The following EPC2 variants were observed in gnomAD, a reference collection of about 807,000 sequenced individuals.
EPC2 encodes enhancer of polycomb homolog 2.
Under a neutral mutation model 92.1 loss-of-function variants are expected in EPC2, and 14 were observed. That is an observed-to-expected ratio of 0.15 (90% CI 0.10 to 0.24). The LOEUF (loss-of-function observed/expected upper bound fraction) is 0.24. EPC2 is among the 10% of genes least tolerant of loss of function. The probability of loss-of-function intolerance (pLI) is 1.00; values close to 1 mark genes in which losing one functional copy is unlikely to be tolerated. For synonymous variants in EPC2, 340 were observed against 334.7 expected (o/e 1.02, Z -0.17); for missense variants, 755 against 971.5 (o/e 0.78, Z 2.96).
chr2:148,645,515 G>A, intron 1 of EPC2: 1 of 260,146 alleles, frequency 3.8e-6, no homozygotes, highest in South Asian at 5.6e-5. Flanking sequence ...TCTCTCAGGC[G>A]CGGGGCTAAT....
intron 3 of EPC2, among the ~76,000 whole-genome samples, chr2:148,752,219 T>C (rs1433529573): frequency 6.6e-6 from 1 of 152,124 alleles, no homozygotes; most frequent in Non-Finnish European, 1.5e-5. Context: ...GTAGTGAAGG[T>C]AACAAAATTT....
intron 1 of EPC2, chr2:148,645,410 G>A (rs990566025): frequency 8.5e-5 from 38 of 447,988 alleles, no homozygotes; most frequent in Non-Finnish European, 1.5e-4. Context: ...TTACGCTGCC[G>A]TAAGGGGGCC....
chr2:148,706,642 G>A (rs188825296), intron 2 of EPC2, among the ~76,000 whole-genome samples: 5 of 152,258 alleles, frequency 3.3e-5, no homozygotes, highest in East Asian at 1.9e-4. Flanking sequence ...GACTAACAGC[G>A]GATCTCTCGG....
intron 1 of EPC2, among the ~76,000 whole-genome samples, chr2:148,662,058 A>G (rs193079443): frequency 0.026 from 3,941 of 152,330 alleles, 59 homozygotes; most frequent in East Asian, 0.032. Context: ...CAAAAAACAC[A>G]TGAAAAAATG....
Position 148,781,797 on chromosome 2 carries a change from G to A in EPC2, c.1857+17G>A, listed in dbSNP as rs371865172. The A allele has an allele frequency of 3.7e-5, 60 of 1,612,166 alleles. No individual in the cohort carries two copies. Among genetic ancestry groups the A allele is most frequent in the Admixed American group, 5.0e-5 (3 of 59,694 alleles). On this transcript the variant is annotated intron_variant, in intron 11 of 13. Coordinates refer to ENST00000258484, the MANE Select transcript of EPC2 (RefSeq NM_015630.4). ...AAAGCACAGGTAAACTGCTCTTTTC[G>A]TCATAGTTACGTTTGTTTCTTTCAT...
At position 148,774,304 on chromosome 2, in the gene EPC2, C is replaced by T. The variant is rs946363347; in HGVS notation, c.1720+2917C>T. 4.6e-5 allele frequency among the ~76,000 whole-genome samples: 7 copies of T among 152,262 alleles called. No homozygotes were observed. The East Asian group carries it at 7.7e-4, about 17-fold the overall frequency. On this transcript the variant is annotated intron_variant, in intron 10 of 13. Transcript: ENST00000258484. ...TGTTGTTAATATAAACCCTGATTAA[C>T]GTTTTCCATGTCATAACCCATGTGT...
intron 3 of EPC2, among the ~76,000 whole-genome samples, chr2:148,753,030 A>G (rs1462274415): frequency 1.3e-5 from 2 of 152,336 alleles, no homozygotes; most frequent in East Asian, 3.9e-4. Context: ...TCCCAGCCCT[A>G]AAGTGGCATG....
chr2:148,734,424 A>C (rs1682710008), intron 2 of EPC2, among the ~76,000 whole-genome samples: 1 of 152,130 alleles, frequency 6.6e-6, no homozygotes, highest in Non-Finnish European at 1.5e-5. Flanking sequence ...GAGACTTCAA[A>C]TTATTTAAAC....
intron 8 of EPC2, 75 bp downstream of exon 8, chr2:148,769,315 C>G (rs750023718): frequency 1.1e-5 from 11 of 1,042,782 alleles, no homozygotes; most frequent in Non-Finnish European, 1.6e-5. Context: ...ATGACTTAGT[C>G]TTGATCTAAA....
chr2:148,670,873 A>G lies in EPC2; in HGVS notation c.154-19341A>G, dbSNP rs1485932495. On this transcript the variant is annotated intron_variant, in intron 1 of 13. Transcript: ENST00000258484. ...CTATTTTTGTTTATTTTTTGTGGAG[A>G]CTAGACATCAGTATGTTGCCCAGGC... Among the ~76,000 whole-genome samples, 4 of 151,958 alleles carry G rather than the reference A, an allele frequency of 2.6e-5. No homozygotes were observed. The East Asian group carries it at 7.7e-4, about 29-fold the overall frequency.
intron 2 of EPC2, among the ~76,000 whole-genome samples, chr2:148,715,842 T>C (rs534731782): frequency 6.6e-6 from 1 of 152,258 alleles, no homozygotes; most frequent in Non-Finnish European, 1.5e-5. Context: ...ATATTGATTC[T>C]TCCCACCCAT....
intron 1 of EPC2, 96 bp downstream of exon 1, chr2:148,645,266 G>A: frequency 8.8e-7 from 1 of 1,133,430 alleles, no homozygotes; most frequent in Non-Finnish European, 1.2e-6. Flanking sequence ...ACGCTCGCTG[G>A]AGGGCGCCGC....
In EPC2 at chr2:148,783,775, A is replaced by C; in HGVS notation, c.2017+19A>C. The stretch of plus-strand genomic sequence containing the variant: ...CCTTCAGGTACAGCTGGGGTTTCAC[A>C]TGGTACCTACTTTCTTGAAGTTGTA... On this transcript the variant is annotated intron_variant, in intron 12 of 13. Coordinates refer to ENST00000258484, the MANE Select transcript of EPC2 (RefSeq NM_015630.4). 1 of 1,575,402 alleles carries C rather than the reference A, an allele frequency of 6.3e-7. No individual in the cohort carries two copies. Among genetic ancestry groups the C allele is most frequent in the Non-Finnish European group, 8.6e-7 (1 of 1,158,406 alleles).
intron 2 of EPC2, among the ~76,000 whole-genome samples, chr2:148,737,673 A>C (rs1682790257): frequency 6.6e-6 from 1 of 152,120 alleles, no homozygotes; most frequent in Non-Finnish European, 1.5e-5. Context: ...AGCTACACTG[A>C]ATGAGGGAAA....
intron 2 of EPC2, among the ~76,000 whole-genome samples, chr2:148,738,220 T>C (rs1474304293): frequency 1.3e-5 from 2 of 152,246 alleles, no homozygotes; most frequent in African/African-American, 4.8e-5. Flanking sequence ...AACCAGAAGC[T>C]ATCTCTGTGC....
chr2:148,684,942 C>T (rs1235844776), intron 1 of EPC2, among the ~76,000 whole-genome samples: 2 of 152,136 alleles, frequency 1.3e-5, no homozygotes. Context: ...CAGTATAAAT[C>T]GTCTCATAAA....
At chr2:148,673,875 C>G (rs558976557) in intron 1 of EPC2, among the ~76,000 whole-genome samples, 22 of 152,296 alleles carry the variant, frequency 1.4e-4, no homozygotes, top group African/African-American at 5.3e-4. Flanking sequence ...CGTGAGCCAC[C>G]ACGCCTGGCT....
At chr2:148,674,119 TA>T (rs1177060674) in intron 1 of EPC2, among the ~76,000 whole-genome samples, 1 of 152,234 alleles carries the variant, frequency 6.6e-6, no homozygotes, top group Non-Finnish European at 1.5e-5. Flanking sequence ...TGGTTTTGTC[TA>T]AGAGAAGACC....
At chr2:148,722,146 G>T (rs77575190) in intron 2 of EPC2, among the ~76,000 whole-genome samples, 2 of 151,896 alleles carry the variant, frequency 1.3e-5, no homozygotes, top group Non-Finnish European at 2.9e-5. Context: ...TTAATGATGC[G>T]GTTTTATGGT....
Sources: gnomAD v4.1 joint callset for allele counts (sites outside exome capture counted in the v4.1 genomes callset) on GRCh38, gnomAD v4.1.1 for gene constraint, MANE v1.5 for transcripts, NCBI Gene and HGNC (gene_info 2026-07-23, HGNC 2026-07-21) for gene names.